RANBP2: variants seen among roughly 807,000 people sequenced by gnomAD.
RANBP2 encodes RAN binding protein 2.
A neutral mutation model predicts 303.6 loss-of-function variants in RANBP2; 57 were observed. The observed-to-expected ratio is 0.19, with a 90% CI of 0.15 to 0.23. RANBP2 has a LOEUF of 0.23. Among genes scored for constraint, RANBP2 ranks in the 10% least tolerant of loss-of-function variants. The pLI is 1.00. For missense variants in RANBP2, 3,138 were observed against 3,780.8 expected (o/e 0.83, Z 4.46); for synonymous variants, 1,167 against 1,301.5 (o/e 0.90, Z 2.23).
chr2:108,823,013 T>C, the RANBP2 span, among the ~76,000 whole-genome samples: 4 of 152,190 alleles, frequency 2.6e-5, no homozygotes, highest in Admixed American at 6.5e-5. Flanking sequence ...GACAATGTTA[T>C]CAACAATTGC....
chr2:109,353,332 G>A, the RANBP2 span, among the ~76,000 whole-genome samples: 19,805 of 152,268 alleles, frequency 0.13, 1,438 homozygotes, highest in Middle Eastern at 0.24. Flanking sequence ...TTTATAGCTC[G>A]ACCCTCGTCC....
At chr2:109,493,303 C>T in the RANBP2 span, among the ~76,000 whole-genome samples, 1 of 149,170 alleles carries the variant, frequency 6.7e-6, no homozygotes, top group Non-Finnish European at 1.5e-5. Context: ...ACCATGCACA[C>T]CATGCAAATA....
the RANBP2 span, among the ~76,000 whole-genome samples, chr2:108,824,170 A>T: frequency 1.4e-4 from 21 of 151,850 alleles, no homozygotes; most frequent in African/African-American, 4.6e-4. Flanking sequence ...AGAAAAAAAA[A>T]TTTTTTCTTC....
the RANBP2 span, among the ~76,000 whole-genome samples, chr2:108,811,294 G>A: frequency 2.5e-5 from 3 of 121,220 alleles, no homozygotes; most frequent in Admixed American, 1.0e-4. Flanking sequence ...AGGTTGAAGT[G>A]CAGTGGCATG....
the RANBP2 span, chr2:109,129,592 G>T: frequency 6.7e-7 from 1 of 1,484,090 alleles, no homozygotes; most frequent in Non-Finnish European, 8.9e-7. Flanking sequence ...CGCCGCTGCT[G>T]CGCAGAGCGA....
At chr2:109,117,382 C>A in the RANBP2 span, among the ~76,000 whole-genome samples, 2 of 152,222 alleles carry the variant, frequency 1.3e-5, no homozygotes, top group African/African-American at 4.8e-5. Flanking sequence ...GCAGTTTGAT[C>A]TCAGACAGCT....
At chr2:109,312,038 G>A in the RANBP2 span, among the ~76,000 whole-genome samples, 10 of 152,242 alleles carry the variant, frequency 6.6e-5, no homozygotes, top group East Asian at 1.9e-4. Context: ...CGTTGTGGCC[G>A]GTGTAGCAGT....
the RANBP2 span, among the ~76,000 whole-genome samples, chr2:109,225,500 C>T: frequency 7.9e-5 from 12 of 152,320 alleles, no homozygotes; most frequent in South Asian, 2.5e-3. Context: ...GTGGGCTGAC[C>T]CACCTGGCCC....
At chr2:109,419,014 C>T in the RANBP2 span, among the ~76,000 whole-genome samples, 1 of 152,084 alleles carries the variant, frequency 6.6e-6, no homozygotes, top group East Asian at 1.9e-4. Context: ...TTAAAAAACC[C>T]TTGAAGCTTG....
the RANBP2 span, among the ~76,000 whole-genome samples, chr2:109,280,065 A>G: frequency 6.6e-6 from 1 of 151,812 alleles, no homozygotes; most frequent in Non-Finnish European, 1.5e-5. Context: ...CTCCCCTCCT[A>G]TTTTTTTCGA....
At chr2:109,440,752 G>C in the RANBP2 span, among the ~76,000 whole-genome samples, 1 of 152,142 alleles carries the variant, frequency 6.6e-6, no homozygotes, top group African/African-American at 2.4e-5. Flanking sequence ...AGTTTCCAGG[G>C]CAGTGACCAG....
the RANBP2 span, among the ~76,000 whole-genome samples, chr2:109,014,073 T>C: frequency 1.3e-5 from 2 of 152,230 alleles, no homozygotes; most frequent in Non-Finnish European, 2.9e-5. Context: ...TTGATATGCA[T>C]TGTTTACCAA....
the RANBP2 span, among the ~76,000 whole-genome samples, chr2:109,294,795 G>C: frequency 1.3e-5 from 2 of 152,118 alleles, no homozygotes; most frequent in Admixed American, 1.3e-4. Context: ...CAAGTGAGGA[G>C]GTACCGACTC....
At chr2:109,144,575 T>C in the RANBP2 span, among the ~76,000 whole-genome samples, 2 of 152,228 alleles carry the variant, frequency 1.3e-5, no homozygotes, top group African/African-American at 4.8e-5. Context: ...GCAAGCAGCG[T>C]TGGGAAAATT....
At chr2:108,942,347 A>G in the RANBP2 span, among the ~76,000 whole-genome samples, 1 of 152,226 alleles carries the variant, frequency 6.6e-6, no homozygotes, top group African/African-American at 2.4e-5. Context: ...CTTTGGGAAC[A>G]GAGGTCTGGG....
At chr2:108,834,684 A>G in the RANBP2 span, among the ~76,000 whole-genome samples, 3 of 152,228 alleles carry the variant, frequency 2.0e-5, no homozygotes, top group African/African-American at 7.2e-5. Context: ...CTGTACAACC[A>G]TCATCGCTAT....
At chr2:109,392,068 G>A in the RANBP2 span, among the ~76,000 whole-genome samples, 1 of 151,988 alleles carries the variant, frequency 6.6e-6, no homozygotes, top group Non-Finnish European at 1.5e-5. Flanking sequence ...AGCCTGCCTC[G>A]GCCTCCCAAA....
the RANBP2 span, among the ~76,000 whole-genome samples, chr2:109,452,775 CAGGAGGCTGGTCCCT>C: frequency 2.6e-5 from 4 of 151,276 alleles, no homozygotes; most frequent in Admixed American, 2.6e-4. Context: ...AGGCTGGTCC[CAGGAGGCTGGTCCCT>C]GGGAGGCTGG....
At chr2:109,555,707 C>T in the RANBP2 span, among the ~76,000 whole-genome samples, 14 of 152,318 alleles carry the variant, frequency 9.2e-5, no homozygotes, top group East Asian at 1.9e-3. Flanking sequence ...TGATCAATTA[C>T]GCAGCTGACC....
Sources: allele counts gnomAD v4.1 joint callset (sites outside exome capture counted in the v4.1 genomes callset), GRCh38; gene constraint gnomAD v4.1.1; transcripts MANE v1.5; gene names NCBI Gene and HGNC (gene_info 2026-07-23, HGNC 2026-07-21).